Variants in PCDHGB4 observed in about 807,000 individuals in gnomAD.
PCDHGB4 encodes the protein protocadherin gamma-B4.
A neutral mutation model predicts 60.5 loss-of-function variants in PCDHGB4; 38 were observed. That is an observed-to-expected ratio of 0.63 (90% CI 0.48 to 0.82). The LOEUF is 0.82. Among genes scored for constraint, PCDHGB4 ranks in the 40% least tolerant of loss-of-function variants. The pLI is 0.00. For synonymous variants in PCDHGB4, 456 were observed against 509.7 expected (o/e 0.89, Z 1.42); for missense variants, 1,109 against 1,209.6 (o/e 0.92, Z 1.23).
chr5:141,395,542 T>TTGTTTG lies in PCDHGB4; in HGVS notation c.2397+5264_2397+5265insTTGTGT, dbSNP rs1267535064. On this transcript the variant is annotated intron_variant, in intron 1 of 3. Coordinates refer to ENST00000519479, the MANE Select transcript of PCDHGB4 (RefSeq NM_003736.4). ...TCCATACTGGTAATTTTGCTATTGTTTGTGTGTGTGTGTGTGTGTGTGTGT... is the reference window on the plus strand; with the variant it reads ...TCCATACTGGTAATTTTGCTATTGTTTGTTTGTGTGTGTGTGTGTGTGTGTGTGTGT... 2.4e-3 allele frequency: 418 copies of TTGTTTG among 172,622 alleles called. 4 individuals carry two copies. The highest frequency in any genetic ancestry group is 0.019 in the African/African-American group (326 of 17,544). The allele number at this position is 172,622 out of a possible 1,614,324, so 10.7% of individuals were successfully genotyped here.
chr5:141,403,856 T>A, intron 1 of PCDHGB4: 1 of 1,613,604 alleles, frequency 6.2e-7, no homozygotes, highest in Non-Finnish European at 8.5e-7. Context: ...TGGGGAAATA[T>A]CAACAGCAAA....
chr5:141,435,629 A>G (rs2097772414), intron 1 of PCDHGB4, among the ~76,000 whole-genome samples: 1 of 152,162 alleles, frequency 6.6e-6, no homozygotes, highest in Admixed American at 6.5e-5. Flanking sequence ...TAACTTTTAC[A>G]ACTATGGGAA....
chr5:141,413,932 G>T (rs762255781), intron 1 of PCDHGB4: 2 of 1,613,426 alleles, frequency 1.2e-6, no homozygotes, highest in Admixed American at 1.7e-5. Context: ...AGAATACCGA[G>T]TGAGTGTTCC....
At chr5:141,463,402 T>C (rs1214124103) in intron 1 of PCDHGB4, among the ~76,000 whole-genome samples, 1 of 149,978 alleles carries the variant, frequency 6.7e-6, no homozygotes, top group African/African-American at 2.5e-5. Context: ...GCAAAAAAAA[T>C]GGAGATCCTA....
rs531855306 is a variant in PCDHGB4 at position 141,422,110 on chromosome 5, T to C, written c.2397+31829T>C. 230 of 1,606,626 alleles carry C rather than the reference T, an allele frequency of 1.4e-4. 6 individuals carry two copies. The South Asian group carries it at 2.5e-3, about 17-fold the overall frequency. On this transcript the variant is annotated intron_variant, in intron 1 of 3. Coordinates refer to ENST00000519479, the MANE Select transcript of PCDHGB4 (RefSeq NM_003736.4). The stretch of plus-strand genomic sequence containing the variant: ...AAGCAAGGCTTCTGAAATATTCCAA[T>C]TGGATTCACAAACTGGAGAAGTTCA...
chr5:141,453,101 T>TTTTTGTTTTG (rs879618609), intron 1 of PCDHGB4, among the ~76,000 whole-genome samples: 1 of 152,012 alleles, frequency 6.6e-6, no homozygotes, highest in Non-Finnish European at 1.5e-5. Flanking sequence ...TTCTGTTGCT[T>TTTTTGTTTTG]TTTTGTTTTG....
In PCDHGB4 at chr5:141,477,670, A is replaced by G; in HGVS notation, c.2398-17137A>G. 1 of 1,614,198 alleles carries G rather than the reference A, an allele frequency of 6.2e-7. No individual in the cohort carries two copies. The highest frequency in any genetic ancestry group is 1.7e-5 in the Admixed American group (1 of 60,028). ...TCACAATAAATCGTGACAATGGCAT[A>G]GTGTCATCCTTAGTGCCCCTAGACT... On this transcript the variant is annotated intron_variant, in intron 1 of 3. Coordinates refer to ENST00000519479, the MANE Select transcript of PCDHGB4 (RefSeq NM_003736.4). This position sits in a 1 kb window ranked among gnomAD's most constrained non-coding sequence, Gnocchi z 4.9.
intron 1 of PCDHGB4, chr5:141,410,277 T>A (rs1461250700): frequency 1.9e-6 from 3 of 1,613,896 alleles, no homozygotes; most frequent in Non-Finnish European, 2.5e-6. Context: ...CAGTTTTACC[T>A]GGTGGTGGCC....
At chr5:141,410,177 A>G in intron 1 of PCDHGB4, 1 of 1,613,626 alleles carries the variant, frequency 6.2e-7, no homozygotes, top group Non-Finnish European at 8.5e-7. Context: ...TGCCACCGCC[A>G]CGCTTCATCT....
chr5:141,410,797 CTCTA>C (rs375585060), intron 1 of PCDHGB4: 18 of 676,000 alleles, frequency 2.7e-5, no homozygotes, highest in Middle Eastern at 9.7e-4. Context: ...TCATAAGTTG[CTCTA>C]TCTTTTTGTA....
Position 141,490,693 on chromosome 5 carries a change from G to A in PCDHGB4, c.2398-4114G>A. On this transcript the variant is annotated intron_variant, in intron 1 of 3. Coordinates refer to ENST00000519479, the MANE Select transcript of PCDHGB4 (RefSeq NM_003736.4). This position sits in a 1 kb window ranked among gnomAD's most constrained non-coding sequence, Gnocchi z 5.4. ...GGCTGCCTCAGATCCAGACACTGGGGATAATGCCCGCCTCACCTACTCCAT... is the reference window on the plus strand; with the variant it reads ...GGCTGCCTCAGATCCAGACACTGGGAATAATGCCCGCCTCACCTACTCCAT... 1.9e-6 allele frequency: 3 copies of A among 1,614,170 alleles called. No homozygotes were observed. Among genetic ancestry groups the A allele is most frequent in the Non-Finnish European group, 2.5e-6 (3 of 1,180,018 alleles).
intron 1 of PCDHGB4, chr5:141,421,970 A>G (rs2096615419): frequency 1.2e-6 from 2 of 1,610,810 alleles, no homozygotes; most frequent in Non-Finnish European, 1.7e-6. Context: ...CAGTCCGTAT[A>G]TCGCGTGAGT....
chr5:141,415,893 A>G, intron 1 of PCDHGB4: 2 of 904,826 alleles, frequency 2.2e-6, no homozygotes, highest in Non-Finnish European at 3.0e-6. Flanking sequence ...GACAATTCCT[A>G]AGACAGACTT....
intron 2 of PCDHGB4, among the ~76,000 whole-genome samples, chr5:141,499,496 T>C (rs1167360015): frequency 6.6e-6 from 1 of 152,182 alleles, no homozygotes; most frequent in East Asian, 1.9e-4. Flanking sequence ...CAGTTTAATA[T>C]GAAACATTTC....
At chr5:141,409,447 A>G (rs764648085) in intron 1 of PCDHGB4, 3 of 1,614,008 alleles carry the variant, frequency 1.9e-6, no homozygotes, top group Admixed American at 1.7e-5. Flanking sequence ...GAGAGCAGAC[A>G]CCAGAATACA....
rs2099170089 is a variant in PCDHGB4, at chr5:141,468,602, C to T, written c.2398-26205C>T. On this transcript the variant is annotated intron_variant, in intron 1 of 3. Coordinates refer to ENST00000519479, the MANE Select transcript of PCDHGB4 (RefSeq NM_003736.4). ...GTACTAAAGGCTGGGCGCGGTGGCT[C>T]ACGCCTGTAATCCCAGCACTTTGGG... The T allele has an allele frequency of 2.6e-5, 4 of 152,284 alleles. No individual in the cohort carries two copies. The South Asian group carries it at 8.3e-4, about 32-fold the overall frequency. 9.4% of individuals were successfully genotyped at this position (152,284 alleles called of 1,614,324 possible).
At chr5:141,496,637 C>T (rs907246032) in intron 2 of PCDHGB4, among the ~76,000 whole-genome samples, 6 of 152,214 alleles carry the variant, frequency 3.9e-5, no homozygotes, top group Non-Finnish European at 7.3e-5. Context: ...GCTTGGGCTG[C>T]CCTTGCCCTT....
At chr5:141,408,280 C>A in intron 1 of PCDHGB4, 4 of 1,612,648 alleles carry the variant, frequency 2.5e-6, no homozygotes, top group Non-Finnish European at 3.4e-6. Context: ...CTTTGTTCTA[C>A]CCCACCCTGA....
chr5:141,398,597 C>A (rs986852077), intron 1 of PCDHGB4: 4 of 1,614,006 alleles, frequency 2.5e-6, no homozygotes, highest in Non-Finnish European at 3.4e-6. Flanking sequence ...CTAGAAGTAG[C>A]AGAAGATGCA....
Sources: allele counts gnomAD v4.1 joint callset (sites outside exome capture counted in the v4.1 genomes callset), GRCh38; gene constraint gnomAD v4.1.1; non-coding constraint Gnocchi (gnomAD v3.1); transcripts MANE v1.5; gene names NCBI Gene and HGNC (gene_info 2026-07-23, HGNC 2026-07-21).